The following ANK3 variants were observed in gnomAD, a reference collection of about 807,000 sequenced individuals.
ANK3 encodes ankyrin-3.
Under a neutral mutation model 370.9 loss-of-function variants are expected in ANK3, and 57 were observed. The observed-to-expected ratio is 0.15, with a 90% CI of 0.12 to 0.19. ANK3 has a LOEUF of 0.19. Ranked by LOEUF, ANK3 falls within the 10% of genes least tolerant of loss-of-function variation. The pLI is 1.00. For missense variants in ANK3, 4,439 were observed against 5,302.1 expected, an observed-to-expected ratio of 0.84 and a Z score of 5.06; for synonymous variants, 1,929 against 1,946.3, an observed-to-expected ratio of 0.99 and a Z score of 0.23.
intron 2 of ANK3, among the ~76,000 whole-genome samples, chr10:60,614,304 T>A: frequency 6.6e-6 from 1 of 152,116 alleles, no homozygotes; most frequent in Non-Finnish European, 1.5e-5. Context: ...TAGGAAAAAA[T>A]AATAATAATG....
At position 60,689,620 on chromosome 10, in the gene ANK3, C is replaced by T. The variant is rs186873886; in HGVS notation, c.57+43643G>A. Among the ~76,000 whole-genome samples the T allele has an allele frequency of 2.7e-3, 417 of 151,804 alleles. 1 individual carries two copies. The highest frequency in any genetic ancestry group is 9.8e-3 in the African/African-American group (404 of 41,388). On this transcript the variant is annotated intron_variant, in intron 1 of 43. Transcript: ENST00000373827. Reference sequence around the variant, plus strand: ...TACAAAAATTAGCTGGGCATGGTGTCGAGTGCCTGTAATCCCAGCTACTCA... The same window carrying T: ...TACAAAAATTAGCTGGGCATGGTGTTGAGTGCCTGTAATCCCAGCTACTCA...
intron 11 of ANK3, 34 bp downstream of exon 11, chr10:60,205,758 T>A (rs1483304614): frequency 6.7e-7 from 1 of 1,485,812 alleles, no homozygotes; most frequent in Admixed American, 1.7e-5. Flanking sequence ...ACTCTCAGTA[T>A]CTCAGGACTC....
intron 2 of ANK3, among the ~76,000 whole-genome samples, chr10:60,416,321 C>A (rs2063668020): frequency 6.6e-6 from 1 of 152,162 alleles, no homozygotes; most frequent in Admixed American, 6.5e-5. Context: ...CATGGAACCA[C>A]ACAGATGACT....
chr10:60,278,633 A>G, intron 4 of ANK3, 141 bp downstream of exon 4: 1 of 682,334 alleles, frequency 1.5e-6, no homozygotes, highest in Non-Finnish European at 2.5e-6. Context: ...TGCCTTCCAA[A>G]GTGTGCCAAA....
At chr10:60,527,468 C>T (rs936792622) in intron 2 of ANK3, among the ~76,000 whole-genome samples, 1 of 152,048 alleles carries the variant, frequency 6.6e-6, no homozygotes, top group African/African-American at 2.4e-5. Flanking sequence ...TAATAAATAC[C>T]ACCAGATAAG....
chr10:60,529,607 A>T (rs1336493228), intron 2 of ANK3, among the ~76,000 whole-genome samples: 1 of 152,174 alleles, frequency 6.6e-6, no homozygotes, highest in Non-Finnish European at 1.5e-5. Flanking sequence ...ACACATGTTT[A>T]TTTATTCACA....
intron 1 of ANK3, among the ~76,000 whole-genome samples, chr10:60,308,220 G>A (rs576792194): frequency 1.3e-5 from 2 of 150,312 alleles, no homozygotes; most frequent in East Asian, 4.0e-4. Flanking sequence ...CAAGATAACA[G>A]ATAAGACAAA....
At chr10:60,553,717 T>C (rs1374496756) in intron 2 of ANK3, among the ~76,000 whole-genome samples, 2 of 152,028 alleles carry the variant, frequency 1.3e-5, no homozygotes, top group Admixed American at 1.3e-4. Context: ...ATTTGAACAA[T>C]TAAAAGAGTA....
At chr10:60,032,176 A>G (rs1191962073) in intron 43 of ANK3, among the ~76,000 whole-genome samples, 1 of 116,300 alleles carries the variant, frequency 8.6e-6, no homozygotes, top group Non-Finnish European at 1.8e-5. Context: ...TACTTCAGCT[A>G]TTATAAATAC....
At chr10:60,716,315 C>T (rs1402351510) in intron 1 of ANK3, among the ~76,000 whole-genome samples, 2 of 152,022 alleles carry the variant, frequency 1.3e-5, no homozygotes, top group African/African-American at 2.4e-5. Flanking sequence ...CAGAGTATTG[C>T]TTCTCATAAA....
chr10:60,083,762 A>G (rs888527483), intron 32 of ANK3, 145 bp from the exon 33 acceptor site: 2 of 662,434 alleles, frequency 3.0e-6, no homozygotes, highest in Non-Finnish European at 5.0e-6. Flanking sequence ...GCTATTTGCA[A>G]CAAAAATAAT....
intron 2 of ANK3, among the ~76,000 whole-genome samples, chr10:60,441,192 T>G (rs1449401456): frequency 6.6e-6 from 1 of 152,198 alleles, no homozygotes; most frequent in South Asian, 2.1e-4. Flanking sequence ...TCATTCCTCT[T>G]GCATCGTTCA....
rs1471206053 is a variant in ANK3 at position 60,072,212 on chromosome 10, C to A, written c.8669G>T (p.Ser2890Ile). The A allele has an allele frequency of 6.2e-7, 1 of 1,613,986 alleles. No individual in the cohort carries two copies. Among genetic ancestry groups the A allele is most frequent in the African/African-American group, 1.3e-5 (1 of 75,038 alleles). The change falls in exon 37 of 44, where the codon AGT (serine) becomes ATT (isoleucine). Residue 2890 changes from serine to isoleucine, a missense_variant. Ser to Ile is a moderately radical substitution (Grantham distance 142, BLOSUM62 -2). Around this residue, in one of 13 missense-constraint regions of ANK3, gnomAD observed 1,601 missense variants for 1,731.7 expected, o/e 0.92. Transcript: ENST00000280772. ...CATAAATTCATTCTTTTGATCAACACTTTTACTCTCAGGGTGACCAATGTG... is the reference window on the plus strand; with the variant it reads ...CATAAATTCATTCTTTTGATCAACAATTTTACTCTCAGGGTGACCAATGTG... ...ENHIGHPESKSVDQKNEFMSV... is the reference protein window; with the variant it reads ...ENHIGHPESKIVDQKNEFMSV...
intron 2 of ANK3, among the ~76,000 whole-genome samples, chr10:60,571,829 G>T (rs1567156084): frequency 6.6e-6 from 1 of 152,006 alleles, no homozygotes; most frequent in Non-Finnish European, 1.5e-5. Context: ...TGAATCTACA[G>T]GTTTACCATA....
At chr10:60,386,914 C>T (rs2062432560) in intron 1 of ANK3, among the ~76,000 whole-genome samples, 1 of 152,186 alleles carries the variant, frequency 6.6e-6, no homozygotes. Flanking sequence ...AATCCTAGCA[C>T]TTTGGGAGGC....
rs746466187 is a variant in ANK3 at position 60,389,435 on chromosome 10, C to T, written c.104G>A (p.Arg35Gln). ...GGCATACATAGATACCTTTTTCTTC[C>T]GATCCCGGGACCGTTTGCGGTGTTT... ...KRKHRKRSRDRKKKSDANASY... is the reference protein window; with the variant it reads ...KRKHRKRSRDQKKKSDANASY... The change falls in exon 1 of 44, where the codon CGG (arginine) becomes CAG (glutamine). Residue 35 changes from arginine (R) to glutamine (Q), a missense_variant. Arg to Gln is a conservative substitution (Grantham distance 43). Coordinates refer to ENST00000280772, the MANE Select transcript of ANK3 (RefSeq NM_020987.5). 7.3e-5 allele frequency: 117 copies of T among 1,613,454 alleles called. No individual in the cohort carries two copies. The highest frequency in any genetic ancestry group is 4.9e-4 in the Middle Eastern group (3 of 6,080).
intron 2 of ANK3, among the ~76,000 whole-genome samples, chr10:60,462,083 G>A (rs1281866709): frequency 6.6e-6 from 1 of 152,052 alleles, no homozygotes; most frequent in Non-Finnish European, 1.5e-5. Flanking sequence ...ATAAGGAGGG[G>A]CAAAATGGGA....
chr10:60,293,094 T>C (rs1199268083), intron 1 of ANK3, among the ~76,000 whole-genome samples: 2 of 152,228 alleles, frequency 1.3e-5, no homozygotes, highest in East Asian at 3.8e-4. Context: ...ATTTCCCACA[T>C]GAACATGTCG....
At chr10:60,239,575 T>C (rs34117040) in intron 7 of ANK3, among the ~76,000 whole-genome samples, 2,934 of 152,162 alleles carry the variant, frequency 0.019, 42 homozygotes, top group Non-Finnish European at 0.03. Context: ...AAACAAAAGC[T>C]AAGAGAATTC....
Sources: allele counts gnomAD v4.1 joint callset (sites outside exome capture counted in the v4.1 genomes callset), GRCh38; gene constraint gnomAD v4.1.1; regional missense constraint gnomAD v4.1.1; transcripts MANE v1.5; gene names NCBI Gene and HGNC (gene_info 2026-07-23, HGNC 2026-07-21).